Variants in CRB1 observed in about 807,000 individuals in gnomAD.
CRB1 encodes the protein protein crumbs homolog 1.
CRB1 carries 83 observed loss-of-function variants against 120.0 expected under a neutral mutation model. That is an observed-to-expected ratio of 0.69 (90% CI 0.58 to 0.83). CRB1 has a LOEUF of 0.83. CRB1 is among the 40% of genes least tolerant of loss of function. CRB1 has a pLI of 0.00. For missense variants in CRB1, 1,699 were observed against 1,687.6 expected (o/e 1.01, Z -0.12); for synonymous variants, 625 against 612.5 (o/e 1.02, Z -0.30).
Position 197,323,044 on chromosome 1 carries a change from G to T in CRB1, c.71-5378G>T, listed in dbSNP as rs541921736. 4.6e-5 allele frequency among the ~76,000 whole-genome samples: 7 copies of T among 151,732 alleles called. No homozygotes were observed. The South Asian group carries it at 1.0e-3, about 23-fold the overall frequency. The stretch of plus-strand genomic sequence containing the variant: ...TAAATGAAACACAAGAATTATGAAA[G>T]GAACCAATAAATTGGAGAAATTTTT... On this transcript the variant is annotated intron_variant, in intron 1 of 11. Transcript: ENST00000367400.
chr1:197,383,268 G>A (rs1662048448), intron 5 of CRB1, among the ~76,000 whole-genome samples: 1 of 151,980 alleles, frequency 6.6e-6, no homozygotes, highest in South Asian at 2.1e-4. Flanking sequence ...TTGATATTGG[G>A]GAAAGCTAAA....
the CRB1 span, chr1:197,222,690 G>A: frequency 1.3e-6 from 1 of 799,734 alleles, no homozygotes; most frequent in Admixed American, 1.7e-5. Flanking sequence ...CTTGTTTCAG[G>A]AAAACTCCAT....
intron 5 of CRB1, among the ~76,000 whole-genome samples, chr1:197,373,058 T>C (rs1661457036): frequency 6.6e-6 from 1 of 152,138 alleles, no homozygotes. Flanking sequence ...TGTGCTCGGG[T>C]GCTAGAATTG....
intron 5 of CRB1, among the ~76,000 whole-genome samples, chr1:197,415,788 G>A (rs1663966830): frequency 1.3e-5 from 2 of 150,874 alleles, no homozygotes; most frequent in Admixed American, 6.6e-5. Flanking sequence ...GACTACAGGC[G>A]CCCACCACCA....
At position 197,478,092 on chromosome 1, in the gene CRB1, C is replaced by T. The variant is rs1373121023; in HGVS notation, c.*213C>T. The T allele has an allele frequency of 1.0e-5, 6 of 586,410 alleles. No homozygotes were observed. Among genetic ancestry groups the T allele is most frequent in the South Asian group, 2.0e-5 (1 of 50,044 alleles). 36.3% of individuals were successfully genotyped at this position (586,410 alleles called of 1,614,324 possible). Reference sequence around the variant, plus strand: ...TATATCAGCCAATTGCAAAAAAAGTCTGTGCCAGTAATTTCAGCCTTATAA... The same window carrying T: ...TATATCAGCCAATTGCAAAAAAAGTTTGTGCCAGTAATTTCAGCCTTATAA... On this transcript the variant is annotated 3_prime_UTR_variant, in exon 12 of 12. Transcript: ENST00000367400.
intron 1 of CRB1, among the ~76,000 whole-genome samples, chr1:197,296,790 C>A (rs532998721): frequency 1.3e-5 from 2 of 152,178 alleles, no homozygotes; most frequent in South Asian, 4.2e-4. Flanking sequence ...ATAAGTCTCA[C>A]AAGATCTGAT....
intron 1 of CRB1, among the ~76,000 whole-genome samples, chr1:197,286,786 A>T (rs1460563646): frequency 1.3e-5 from 2 of 151,942 alleles, no homozygotes; most frequent in East Asian, 3.9e-4. Flanking sequence ...CATGTTTTGC[A>T]TTATAATTTC....
At chr1:197,477,636 C>T (rs761545190) in intron 11 of CRB1, 28 bp from the exon 12 acceptor site, 12 of 1,601,250 alleles carry the variant, frequency 7.5e-6, no homozygotes, top group South Asian at 4.4e-5. Flanking sequence ...CTATAGAATT[C>T]GCATCCCAAT....
At chr1:197,305,217 T>C (rs1657094225) in intron 1 of CRB1, among the ~76,000 whole-genome samples, 1 of 152,192 alleles carries the variant, frequency 6.6e-6, no homozygotes, top group Non-Finnish European at 1.5e-5. Context: ...TATGGTAATT[T>C]CTTAAATAAT....
chr1:197,247,684 G>A, the CRB1 span, among the ~76,000 whole-genome samples: 10 of 152,012 alleles, frequency 6.6e-5, no homozygotes, highest in Admixed American at 1.3e-4. Flanking sequence ...CATGTTTTTC[G>A]TGGAGGAATT....
intron 1 of CRB1, among the ~76,000 whole-genome samples, chr1:197,316,588 C>T (rs548633015): frequency 3.3e-5 from 5 of 152,098 alleles, no homozygotes; most frequent in East Asian, 1.9e-4. Context: ...TATTAAGAGA[C>T]GAAGTCTGAG....
At chr1:197,342,698 T>G (rs1659539089) in intron 2 of CRB1, among the ~76,000 whole-genome samples, 1 of 152,190 alleles carries the variant, frequency 6.6e-6, no homozygotes, top group Non-Finnish European at 1.5e-5. Context: ...AGAGTTGTCT[T>G]TGCTTCCAGT....
chr1:197,260,054 G>A, the CRB1 span, among the ~76,000 whole-genome samples: 2 of 151,930 alleles, frequency 1.3e-5, no homozygotes, highest in African/African-American at 4.8e-5. Context: ...TCCAGAAGCT[G>A]AGGTTGGGAG....
At chr1:197,409,124 A>T (rs1279235655) in intron 5 of CRB1, among the ~76,000 whole-genome samples, 1 of 152,206 alleles carries the variant, frequency 6.6e-6, no homozygotes, top group Non-Finnish European at 1.5e-5. Context: ...AGGTCTGGAG[A>T]GTGTGTATAT....
Position 197,421,737 on chromosome 1 carries a change from C to A in CRB1, c.1909C>A (p.Pro637Thr). 6.2e-7 allele frequency: 1 copy of A among 1,614,100 alleles called. No individual in the cohort carries two copies. Among genetic ancestry groups the A allele is most frequent in the Non-Finnish European group, 8.5e-7 (1 of 1,180,002 alleles). ...TAACTTCTATAATATGCCATCCACA[C>A]CTTCGTTTGTAGGCTGTCTCCAAGA... ...LLNFYNMPST[P>T]SFVGCLQDIK... The change falls in exon 6 of 12, where the codon CCT becomes ACT. Residue 637 changes from proline (P) to threonine (T), a missense_variant. Coordinates refer to ENST00000367400, the MANE Select transcript of CRB1 (RefSeq NM_201253.3).
intron 5 of CRB1, among the ~76,000 whole-genome samples, chr1:197,414,978 A>G (rs1663900294): frequency 1.3e-5 from 2 of 152,178 alleles, no homozygotes; most frequent in East Asian, 1.9e-4. Flanking sequence ...ATTGATCTTA[A>G]TACAGGCTTT....
intron 5 of CRB1, among the ~76,000 whole-genome samples, chr1:197,358,654 C>T (rs551541406): frequency 2.0e-5 from 3 of 152,282 alleles, no homozygotes; most frequent in African/African-American, 4.8e-5. Flanking sequence ...CTATGTTTTT[C>T]CCCCGCTTCA....
chr1:197,204,026 ATGAG>A, the CRB1 span, among the ~76,000 whole-genome samples: 1 of 152,026 alleles, frequency 6.6e-6, no homozygotes, highest in Non-Finnish European at 1.5e-5. Context: ...GCTCCCACTT[ATGAG>A]TGAGAACATA....
At chr1:197,300,730 T>C (rs1656814796) in intron 1 of CRB1, among the ~76,000 whole-genome samples, 1 of 152,164 alleles carries the variant, frequency 6.6e-6, no homozygotes, top group African/African-American at 2.4e-5. Context: ...CAAAACAACC[T>C]CCTGTTGGAA....
Sources: gnomAD v4.1 joint callset for allele counts (sites outside exome capture counted in the v4.1 genomes callset) on GRCh38, gnomAD v4.1.1 for gene constraint, MANE v1.5 for transcripts, NCBI Gene and HGNC (gene_info 2026-07-23, HGNC 2026-07-21) for gene names.